Variants in DAPK3 observed in about 807,000 individuals in gnomAD.
The protein encoded by DAPK3 is death associated protein kinase 3, also known as death-associated protein kinase 3.
Under a neutral mutation model 30.6 loss-of-function variants are expected in DAPK3, and 24 were observed. The ratio of observed to expected loss-of-function variants is 0.78; its 90% CI spans 0.57 to 1.10. DAPK3 has a LOEUF of 1.10. Ranked by LOEUF, DAPK3 falls within the 50% of genes least tolerant of loss-of-function variation. The probability of loss-of-function intolerance (pLI) is 0.00; values close to 1 mark genes in which losing one functional copy is unlikely to be tolerated. For synonymous variants in DAPK3, 341 were observed against 284.0 expected (o/e 1.20, Z -2.02); for missense variants, 629 against 657.3 (o/e 0.96, Z 0.47).
intron 2 of DAPK3, among the ~76,000 whole-genome samples, chr19:3,966,654 C>CG (rs1387946563): frequency 6.6e-6 from 1 of 152,216 alleles, no homozygotes; most frequent in Admixed American, 6.5e-5. Context: ...GAGTGGACTT[C>CG]GGCCCCGGGG....
At chr19:3,964,564 C>G in intron 3 of DAPK3, 67 bp downstream of exon 3, 1 of 1,478,158 alleles carries the variant, frequency 6.8e-7, no homozygotes, top group Non-Finnish European at 9.1e-7. Context: ...GCCTTCCAGG[C>G]TCTTCCCCGC....
At position 3,964,387 on chromosome 19, in the gene DAPK3, A is replaced by C. The variant is rs1241664530; in HGVS notation, c.424-14T>G. On this transcript the variant is annotated splice_polypyrimidine_tract_variant and intron_variant, in intron 3 of 8. Coordinates refer to ENST00000545797, the MANE Select transcript of DAPK3 (RefSeq NM_001348.3). ...GATGTTTTCCGGCTGGGGTGGGAGGAGGCTCAGCAGGGAAAGCACGGGCCT... is the reference window on the plus strand; with the variant it reads ...GATGTTTTCCGGCTGGGGTGGGAGGCGGCTCAGCAGGGAAAGCACGGGCCT... 1 of 1,606,918 alleles carries C rather than the reference A, an allele frequency of 6.2e-7. No homozygotes were observed.
At chr19:3,966,781 G>A (rs1232473362) in intron 2 of DAPK3, among the ~76,000 whole-genome samples, 1 of 152,176 alleles carries the variant, frequency 6.6e-6, no homozygotes, top group Non-Finnish European at 1.5e-5. Flanking sequence ...CAGATTTCAG[G>A]TTCTGCCACT....
At chr19:3,964,027 G>T (rs1478101075) in intron 4 of DAPK3, 108 bp from the exon 5 acceptor site, 2 of 853,678 alleles carry the variant, frequency 2.3e-6, no homozygotes, top group South Asian at 1.5e-5. Context: ...GCCCTTGGGG[G>T]CATGAATGCG....
chr19:3,963,656 T>C lies in DAPK3; in HGVS notation c.616A>G (p.Ile206Val). 2 of 1,535,156 alleles carry C rather than the reference T, an allele frequency of 1.3e-6. No homozygotes were observed. Among genetic ancestry groups the C allele is most frequent in the Non-Finnish European group, 1.8e-6 (2 of 1,142,640 alleles). ...CCAGGTACTCACAGGATATAGGTGA[T>C]GACACCGATGCTCCTGGGGACAGAC... ...LEADMWSIGV[I>V]TYILLSGASP... The change falls in exon 6 of 9, where the codon ATC (isoleucine) becomes GTC (valine). Residue 206 changes from isoleucine (I) to valine (V), a missense_variant. Ile to Val is a conservative substitution (Grantham distance 29, BLOSUM62 3). Around this residue, in one of 2 missense-constraint regions of DAPK3, gnomAD observed 306 missense variants for 378.5 expected, o/e 0.81. Transcript: ENST00000545797.
chr19:3,969,902 C>T (rs1385115698), intron 1 of DAPK3, 73 bp from the exon 2 acceptor site: 4 of 604,390 alleles, frequency 6.6e-6, no homozygotes, highest in Non-Finnish European at 1.2e-5. Flanking sequence ...ATGGACAGAC[C>T]TGTCCAGCAA....
At chr19:3,966,166 T>G (rs113363195) in intron 2 of DAPK3, among the ~76,000 whole-genome samples, 4 of 152,120 alleles carry the variant, frequency 2.6e-5, no homozygotes, top group African/African-American at 9.6e-5. Flanking sequence ...GGCGGGAGGA[T>G]TCAAACCTTC....
At position 3,967,816 on chromosome 19, in the gene DAPK3, G is replaced by T. The variant is rs542704455; in HGVS notation, c.62+1858C>A. On this transcript the variant is annotated intron_variant, in intron 2 of 8. Transcript: ENST00000545797. ...CATCTTGCACTTCATGTATCTCTGA[G>T]AATGTTCCAGACCACTACCTGAAGC... Among the ~76,000 whole-genome samples, 6 of 152,240 alleles carry T rather than the reference G, an allele frequency of 3.9e-5. No homozygotes were observed. In the South Asian group the frequency reaches 1.2e-3, roughly 32 times the overall value.
At position 3,964,766 on chromosome 19, in the gene DAPK3, G is replaced by C. The variant is rs1387215120; in HGVS notation, c.288C>G (p.Val96=). 2 of 1,612,366 alleles carry C rather than the reference G, an allele frequency of 1.2e-6. No homozygotes were observed. The highest frequency in any genetic ancestry group is 2.2e-5 in the South Asian group (2 of 91,044). ...KTDVVLILEL[V]SGGELFDFLA... ...GGAAGTCAAAGAGCTCCCCGCCAGA[G>C]ACCAGCTCCAGGATGAGGACCACGT... The change falls in exon 3 of 9, where the codon GTC becomes GTG. Residue 96 remains valine (V), a synonymous_variant. Coordinates refer to ENST00000545797, the MANE Select transcript of DAPK3 (RefSeq NM_001348.3).
At position 3,959,402 on chromosome 19, in the gene DAPK3, G is replaced by A. The variant is rs1253014199; in HGVS notation, c.1064C>T (p.Ala355Val). The A allele has an allele frequency of 1.3e-5, 21 of 1,566,186 alleles. No homozygotes were observed. The highest frequency in any genetic ancestry group is 1.7e-4 in the Middle Eastern group (1 of 6,034). Residue 355 changes from alanine to valine, a missense_variant, in exon 9 of 9, where the codon GCG becomes GTG. Physicochemically the swap from Ala to Val is moderately conservative, Grantham distance 64 (BLOSUM62 0). Transcript: ENST00000545797. ...SRRLCHEDVEALAAIYEEKEA... is the reference protein window; with the variant it reads ...SRRLCHEDVEVLAAIYEEKEA... ...CTTCTCCTCGTAGATGGCGGCCAGC[G>A]CCTCCACGTCCTCGTGGCAGAGCCG...
At position 3,961,055 on chromosome 19, in the gene DAPK3, C is replaced by T. The variant is rs200465016; in HGVS notation, c.736G>A (p.Glu246Lys). ...FDEEYFSNTS[E>K]LAKDFIRRLL... The stretch of plus-strand genomic sequence containing the variant: ...CGGCGAATGAAGTCCTTGGCCAGCT[C>T]GCTGGTGTTGCTGAAGTACTCCTCG... Residue 246 changes from glutamate to lysine, a missense_variant, in exon 7 of 9, where the codon GAG becomes AAG. Physicochemically the swap from Glu to Lys is moderately conservative, Grantham distance 56. Around this residue, in one of 2 missense-constraint regions of DAPK3, gnomAD observed 306 missense variants for 378.5 expected, o/e 0.81. Transcript: ENST00000545797. 4.3e-6 allele frequency: 7 copies of T among 1,613,814 alleles called. No individual in the cohort carries two copies. The highest frequency in any genetic ancestry group is 1.7e-5 in the Admixed American group (1 of 59,966).
At chr19:3,962,888 G>A (rs1229626803) in intron 6 of DAPK3, among the ~76,000 whole-genome samples, 2 of 151,922 alleles carry the variant, frequency 1.3e-5, no homozygotes, top group South Asian at 4.1e-4. Flanking sequence ...ATCACCTGAG[G>A]TCAGGAGTTC....
Position 3,961,165 on chromosome 19 carries a change from C to T in DAPK3, c.630-4G>A, listed in dbSNP as rs377030069. ...GAACGGGGATGCACCGCTCAGGCTGCGAGACAGGCGTGGGGGCTCAGTGGG... is the reference window on the plus strand; with the variant it reads ...GAACGGGGATGCACCGCTCAGGCTGTGAGACAGGCGTGGGGGCTCAGTGGG... On this transcript the variant is annotated splice_region_variant and splice_polypyrimidine_tract_variant and intron_variant, in intron 6 of 8. Transcript: ENST00000545797. The T allele has an allele frequency of 2.0e-5, 33 of 1,609,914 alleles. No homozygotes were observed. Among genetic ancestry groups the T allele is most frequent in the Non-Finnish European group, 2.7e-5 (32 of 1,178,566 alleles).
At chr19:3,963,711 C>T (rs574805857) in intron 5 of DAPK3, 42 bp from the exon 6 acceptor site, 7 of 1,497,646 alleles carry the variant, frequency 4.7e-6, no homozygotes, top group East Asian at 4.7e-5. Flanking sequence ...AGCGTGGGGC[C>T]GCCCACCCTC....
In DAPK3 at chr19:3,969,753, C is replaced by A. The variant is rs750704789; in HGVS notation, c.-18G>T. ...GTGGACATGGCGGCCGGTCCGCCTT[C>A]CAGCAGCTTCCACTCCAGGGAAAGT... On this transcript the variant is annotated 5_prime_UTR_variant, in exon 2 of 9. Coordinates refer to ENST00000545797, the MANE Select transcript of DAPK3 (RefSeq NM_001348.3). The A allele has an allele frequency of 3.7e-6, 6 of 1,600,266 alleles. No individual in the cohort carries two copies. The highest frequency in any genetic ancestry group is 5.1e-6 in the Non-Finnish European group (6 of 1,169,948).
In DAPK3 at chr19:3,964,164, G is replaced by A. The variant is rs2039548819; in HGVS notation, c.553+80C>T. 8 of 1,291,628 alleles carry A rather than the reference G, an allele frequency of 6.2e-6. No individual in the cohort carries two copies. In the Admixed American group the frequency reaches 1.5e-4, roughly 24 times the overall value. 80.0% of individuals were successfully genotyped at this position (1,291,628 alleles called of 1,614,324 possible). A position where few individuals can be genotyped will look rare whatever the true frequency, so the allele number is the denominator to read the frequency against. On this transcript the variant is annotated intron_variant, in intron 4 of 8. Coordinates refer to ENST00000545797, the MANE Select transcript of DAPK3 (RefSeq NM_001348.3). Reference sequence around the variant, plus strand: ...GCCGAGGACGCGGCACCCAGCACCGGGCATGACCCACCCCACGCACAGCAG... The same window carrying A: ...GCCGAGGACGCGGCACCCAGCACCGAGCATGACCCACCCCACGCACAGCAG...
rs774941611 is a variant in DAPK3, at chr19:3,964,948, C to T, written c.106G>A (p.Gly36Ser). ...IVRKCRQKGTGKEYAAKFIKK... is the reference protein window; with the variant it reads ...IVRKCRQKGTSKEYAAKFIKK... The stretch of plus-strand genomic sequence containing the variant: ...ATGAACTTGGCTGCGTACTCCTTGC[C>T]CGTGCCCTTCTGCCGGCACTTCCGC... The change falls in exon 3 of 9, where the codon GGC (glycine) becomes AGC (serine). Residue 36 changes from glycine (G) to serine (S), a missense_variant. Gly to Ser is a moderately conservative substitution (Grantham distance 56). This residue lies in a region of DAPK3 where 306 missense variants were observed against 378.5 expected (regional missense o/e 0.81). Coordinates refer to ENST00000545797, the MANE Select transcript of DAPK3 (RefSeq NM_001348.3). The T allele has an allele frequency of 6.2e-7, 1 of 1,611,932 alleles. No individual in the cohort carries two copies. Among genetic ancestry groups the T allele is most frequent in the African/African-American group, 1.3e-5 (1 of 75,002 alleles).
Position 3,959,029 on chromosome 19 carries a change from A to C in DAPK3, c.*72T>G. On this transcript the variant is annotated 3_prime_UTR_variant, in exon 9 of 9. Transcript: ENST00000545797. ...CAGGCACCCGGGCGATGGGAGGCGC[A>C]GCGTCCACAGGAAGCGCCCCCACCG... 1.0e-6 allele frequency: 1 copy of C among 979,846 alleles called. No individual in the cohort carries two copies. The highest frequency in any genetic ancestry group is 1.4e-6 in the Non-Finnish European group (1 of 690,686). The allele number at this position is 979,846 out of a possible 1,614,324, so 60.7% of individuals were successfully genotyped here.
rs760576639 is a variant in DAPK3 at position 3,961,747 on chromosome 19, G to A, written c.630-586C>T. On this transcript the variant is annotated intron_variant, in intron 6 of 8. Transcript: ENST00000545797. ...TCAAGGTCATGAAAGCCAGACAGAG[G>A]AACAGCCTCAGACTGGAGGCGGCGA... 2.1e-5 allele frequency: 7 copies of A among 334,818 alleles called. No individual in the cohort carries two copies. The East Asian group carries it at 3.0e-4, about 14-fold the overall frequency. The allele number at this position is 334,818 out of a possible 1,614,324, so 20.7% of individuals were successfully genotyped here.
Sources: allele counts gnomAD v4.1 joint callset (sites outside exome capture counted in the v4.1 genomes callset), GRCh38; gene constraint gnomAD v4.1.1; regional missense constraint gnomAD v4.1.1; transcripts MANE v1.5; gene names NCBI Gene and HGNC (gene_info 2026-07-23, HGNC 2026-07-21).